Variants in ROBO2 observed in about 807,000 individuals in gnomAD.
ROBO2 encodes roundabout guidance receptor 2.
ROBO2 carries 53 observed loss-of-function variants against 160.8 expected under a neutral mutation model. The observed-to-expected ratio is 0.33, with a 90% CI of 0.26 to 0.41. The LOEUF (loss-of-function observed/expected upper bound fraction) is 0.41, where lower values mean the gene tolerates loss of function less well. Among genes scored for constraint, ROBO2 ranks in the 10% least tolerant of loss-of-function variants. The pLI, the probability that ROBO2 is intolerant of heterozygous loss-of-function variation, is 1.00. For synonymous variants in ROBO2, 664 were observed against 611.7 expected, an observed-to-expected ratio of 1.09 and a Z score of -1.26; for missense variants, 1,577 against 1,722.4, an observed-to-expected ratio of 0.92 and a Z score of 1.49.
At chr3:77,371,877 G>T (rs181959817) in intron 2 of ROBO2, among the ~76,000 whole-genome samples, 6 of 152,224 alleles carry the variant, frequency 3.9e-5, no homozygotes, top group Non-Finnish European at 7.4e-5. Flanking sequence ...TGTGTAATGC[G>T]AAATCACTAA....
intron 2 of ROBO2, among the ~76,000 whole-genome samples, chr3:76,798,398 A>C (rs1024014422): frequency 7.9e-5 from 12 of 152,234 alleles, no homozygotes; most frequent in African/African-American, 2.9e-4. Flanking sequence ...AACTGAATTC[A>C]ACAACACCCT....
At chr3:77,513,821 G>A (rs999929874) in intron 5 of ROBO2, among the ~76,000 whole-genome samples, 2 of 151,578 alleles carry the variant, frequency 1.3e-5, no homozygotes, top group African/African-American at 4.8e-5. Flanking sequence ...GATAGCACAC[G>A]TTGTCCAGGG....
At chr3:77,062,642 A>C (rs577675183) in intron 1 of ROBO2, among the ~76,000 whole-genome samples, 1 of 152,318 alleles carries the variant, frequency 6.6e-6, no homozygotes, top group East Asian at 1.9e-4. Flanking sequence ...AAGCATATTT[A>C]ACTTTTAAAA....
intron 2 of ROBO2, among the ~76,000 whole-genome samples, chr3:76,308,084 T>G (rs902657501): frequency 6.6e-6 from 1 of 152,006 alleles, no homozygotes; most frequent in African/African-American, 2.4e-5. Context: ...CAGGAAAGAA[T>G]TATCCCTACT....
intron 2 of ROBO2, among the ~76,000 whole-genome samples, chr3:76,989,025 T>C (rs2060529195): frequency 6.7e-6 from 1 of 150,374 alleles, no homozygotes; most frequent in Admixed American, 6.6e-5. Flanking sequence ...TCATATGTAT[T>C]ATCTCCCTAA....
chr3:76,495,384 G>T (rs1229360580), intron 2 of ROBO2, among the ~76,000 whole-genome samples: 1 of 151,878 alleles, frequency 6.6e-6, no homozygotes, highest in Non-Finnish European at 1.5e-5. Flanking sequence ...AACACGCCCT[G>T]TCATGTCTTA....
intron 2 of ROBO2, among the ~76,000 whole-genome samples, chr3:77,348,814 G>GGC (rs1402591907): frequency 2.0e-5 from 3 of 152,078 alleles, no homozygotes; most frequent in Admixed American, 1.3e-4. Flanking sequence ...TCTCCTGTTA[G>GGC]TCTCTCCCCA....
intron 2 of ROBO2, among the ~76,000 whole-genome samples, chr3:76,421,909 T>C (rs1461355937): frequency 6.6e-6 from 1 of 152,234 alleles, no homozygotes; most frequent in Non-Finnish European, 1.5e-5. Context: ...GATCCTTTTA[T>C]GCTTTCTTTT....
At chr3:76,987,315 C>T (rs2060433891) in intron 2 of ROBO2, among the ~76,000 whole-genome samples, 1 of 152,172 alleles carries the variant, frequency 6.6e-6, no homozygotes, top group African/African-American at 2.4e-5. Flanking sequence ...CCTATTTGCA[C>T]TGTTCATTTT....
chr3:77,351,911 C>A (rs1388221338), intron 2 of ROBO2, among the ~76,000 whole-genome samples: 3 of 150,286 alleles, frequency 2.0e-5, no homozygotes, highest in Admixed American at 1.3e-4. Flanking sequence ...AACACATGGA[C>A]ACAGGAAGGG....
At chr3:76,001,642 G>A (rs1576438294) in intron 2 of ROBO2, among the ~76,000 whole-genome samples, 1 of 152,118 alleles carries the variant, frequency 6.6e-6, no homozygotes, top group East Asian at 1.9e-4. Context: ...GGCTCAAGCA[G>A]TTCTCCCACC....
intron 2 of ROBO2, among the ~76,000 whole-genome samples, chr3:76,866,538 C>G (rs888300076): frequency 2.6e-5 from 4 of 151,740 alleles, no homozygotes; most frequent in African/African-American, 9.7e-5. Context: ...AAAATTAATC[C>G]ATTTGGGAAC....
intron 2 of ROBO2, among the ~76,000 whole-genome samples, chr3:76,093,776 A>C (rs1460223104): frequency 6.6e-6 from 1 of 152,106 alleles, no homozygotes; most frequent in Non-Finnish European, 1.5e-5. Context: ...CACCTTATAG[A>C]AAACATGGTA....
chr3:76,109,470 A>G (rs1349806075), intron 2 of ROBO2, among the ~76,000 whole-genome samples: 1 of 152,048 alleles, frequency 6.6e-6, no homozygotes, highest in Admixed American at 6.6e-5. Flanking sequence ...CAAAGCAGGC[A>G]TCACCCTAAG....
intron 2 of ROBO2, among the ~76,000 whole-genome samples, chr3:76,827,713 C>A (rs541282390): frequency 6.6e-6 from 1 of 152,110 alleles, no homozygotes; most frequent in East Asian, 1.9e-4. Context: ...CTCCAAATTT[C>A]TTTATTGCAT....
intron 2 of ROBO2, among the ~76,000 whole-genome samples, chr3:76,992,852 CTG>C (rs1033459508): frequency 6.6e-6 from 1 of 152,136 alleles, no homozygotes; most frequent in Admixed American, 6.5e-5. Context: ...GAGTCTCACT[CTG>C]TCATCCAGGC....
At chr3:76,946,151 CG>C (rs146672658) in intron 2 of ROBO2, among the ~76,000 whole-genome samples, 2,356 of 152,230 alleles carry the variant, frequency 0.015, 27 homozygotes, top group Non-Finnish European at 0.026. Flanking sequence ...GTTTAGTGTA[CG>C]GCAAAGTTTT....
At chr3:77,435,055 CA>C in intron 2 of ROBO2, among the ~76,000 whole-genome samples, 1 of 152,030 alleles carries the variant, frequency 6.6e-6, no homozygotes, top group East Asian at 1.9e-4. Context: ...CTTTTGCCAT[CA>C]GTGAGATGAA....
intron 4 of ROBO2, among the ~76,000 whole-genome samples, chr3:77,485,812 G>C (rs2085283660): frequency 6.6e-6 from 1 of 152,026 alleles, no homozygotes; most frequent in African/African-American, 2.4e-5. Context: ...AGGTCCATGT[G>C]CAGGATGTGT....
Sources: allele counts gnomAD v4.1 joint callset (sites outside exome capture counted in the v4.1 genomes callset), GRCh38; gene constraint gnomAD v4.1.1; transcripts MANE v1.5; gene names NCBI Gene and HGNC (gene_info 2026-07-23, HGNC 2026-07-21).